VWA5B1: variants seen among roughly 807,000 people sequenced by gnomAD.
The protein encoded by VWA5B1 is von Willebrand factor A domain containing 5B1.
In VWA5B1, 115 loss-of-function variants were observed where a neutral mutation model predicts 118.2. The observed-to-expected ratio is 0.97, with a 90% CI of 0.84 to 1.14. The LOEUF (loss-of-function observed/expected upper bound fraction) is 1.14. VWA5B1 is among the 50% of genes most tolerant of loss of function. The pLI, the probability that VWA5B1 is intolerant of heterozygous loss-of-function variation, is 0.00. For synonymous variants in VWA5B1, 682 were observed against 658.4 expected (o/e 1.04, Z -0.55); for missense variants, 1,596 against 1,603.8 (o/e 1.00, Z 0.08).
chr1:20,307,118 A>G (rs1268040459), intron 1 of VWA5B1, among the ~76,000 whole-genome samples: 2 of 152,136 alleles, frequency 1.3e-5, no homozygotes, highest in East Asian at 1.9e-4. Context: ...GCTGTGTGGC[A>G]CACTGAGGAA....
chr1:20,315,906 T>A (rs912325934), intron 4 of VWA5B1, among the ~76,000 whole-genome samples: 1 of 152,040 alleles, frequency 6.6e-6, no homozygotes, highest in South Asian at 2.1e-4. Context: ...TGACGAGCCT[T>A]GTGCATTTGA....
chr1:20,292,177 C>G (rs573953461), intron 1 of VWA5B1, among the ~76,000 whole-genome samples: 18 of 151,614 alleles, frequency 1.2e-4, no homozygotes, highest in African/African-American at 4.4e-4. Flanking sequence ...TCCTCCCCCC[C>G]TCCTGTCCTC....
At chr1:20,337,976 C>A (rs1280059445) in intron 14 of VWA5B1, 140 bp downstream of exon 14, 4 of 1,061,760 alleles carry the variant, frequency 3.8e-6, no homozygotes, top group East Asian at 2.6e-5. Flanking sequence ...CTTCCCTAGG[C>A]CTTCATCTGC....
intron 1 of VWA5B1, among the ~76,000 whole-genome samples, chr1:20,292,271 TG>T (rs762158296): frequency 1.1e-4 from 17 of 151,912 alleles, no homozygotes; most frequent in Non-Finnish European, 2.5e-4. Context: ...TGGGCTCACC[TG>T]TCTAAACCCA....
rs950019066 is a variant in VWA5B1, at chr1:20,355,201, C to T, written c.*938C>T. On this transcript the variant is annotated 3_prime_UTR_variant, in exon 22 of 22. Transcript: ENST00000289815. ...GGTCGCACCATGGGATCAGGGGGTC[C>T]TCTGGAGCCATGCCACGCTGTGGGA... Among the ~76,000 whole-genome samples, 2 of 152,214 alleles carry T rather than the reference C, an allele frequency of 1.3e-5. No individual in the cohort carries two copies. Among genetic ancestry groups the T allele is most frequent in the African/African-American group, 4.8e-5 (2 of 41,456 alleles).
Position 20,337,818 on chromosome 1 carries a change from G to T in VWA5B1, c.2115G>T (p.Arg705=). 2 of 1,551,818 alleles carry T rather than the reference G, an allele frequency of 1.3e-6. No homozygotes were observed. The highest frequency in any genetic ancestry group is 2.4e-5 in the South Asian group (2 of 84,042). Residue 705 remains arginine (R), a synonymous_variant, in exon 14 of 22, where the codon CGG becomes CGT. Transcript: ENST00000289815. The stretch of plus-strand genomic sequence containing the variant: ...ACCAGACCAGCCTGGATGTCCAGCG[G>T]TGGCAGATTGATTTGCAGGTACCCA... The part of the protein sequence containing the change: ...LTNQTSLDVQ[R]WQIDLQPLLN...
chr1:20,354,684 A>G lies in VWA5B1; in HGVS notation c.*421A>G, dbSNP rs1252712300. ...TGGACACAGCAATGCCCACTCAAAT[A>G]AAAGGGCAGATGAGAGAACCCAGTG... On this transcript the variant is annotated 3_prime_UTR_variant, in exon 22 of 22. Coordinates refer to ENST00000289815, the MANE Select transcript of VWA5B1 (RefSeq NM_001039500.3). 1 of 187,586 alleles carries G rather than the reference A, an allele frequency of 5.3e-6. No homozygotes were observed. The highest frequency in any genetic ancestry group is 2.4e-5 in the African/African-American group (1 of 42,046). 11.6% of individuals were successfully genotyped at this position (187,586 alleles called of 1,614,324 possible). A position where few individuals can be genotyped will look rare whatever the true frequency, so the allele number is the denominator to read the frequency against.
At chr1:20,343,515 C>T (rs2089936112) in intron 16 of VWA5B1, 122 bp downstream of exon 16, 4 of 1,418,508 alleles carry the variant, frequency 2.8e-6, no homozygotes, top group Non-Finnish European at 3.7e-6. Flanking sequence ...GGTCCGCCCA[C>T]CTGCTTCCCG....
At position 20,337,526 on chromosome 1, in the gene VWA5B1, T is replaced by C. The variant is rs1382386660; in HGVS notation, c.1943-120T>C. ...TTGGATGCCAGGGGAGGCATCTGCA[T>C]ATATTTCAGTAGGCAAGAGGTGGAG... On this transcript the variant is annotated intron_variant, in intron 13 of 21. Transcript: ENST00000289815. The C allele has an allele frequency of 1.1e-5, 13 of 1,173,982 alleles. No individual in the cohort carries two copies. In the South Asian group the frequency reaches 2.1e-4, roughly 19 times the overall value. 72.7% of individuals were successfully genotyped at this position (1,173,982 alleles called of 1,614,324 possible). A position where few individuals can be genotyped will look rare whatever the true frequency, so the allele number is the denominator to read the frequency against.
At position 20,352,087 on chromosome 1, in the gene VWA5B1, G is replaced by A. The variant is rs756416738; in HGVS notation, c.3056G>A (p.Arg1019Gln). Residue 1019 changes from arginine (R) to glutamine (Q), a missense_variant, in exon 21 of 22, where the codon CGA becomes CAA. Coordinates refer to ENST00000289815, the MANE Select transcript of VWA5B1 (RefSeq NM_001039500.3). ...LNLNKSRLLT[R>Q]AAKGFLSKPL... is the part of the protein sequence containing the mutation. The stretch of plus-strand genomic sequence containing the variant: ...CTCAACAAGTCCAGGCTACTGACGC[G>A]AGCAGCCAAGGGCTTCCTGAGCAAG... The A allele has an allele frequency of 4.4e-5, 69 of 1,551,124 alleles. 1 individual carries two copies. The highest frequency in any genetic ancestry group is 2.4e-4 in the South Asian group (20 of 84,030).
chr1:20,304,284 G>GCTTC (rs2088581309), intron 1 of VWA5B1, among the ~76,000 whole-genome samples: 1 of 152,200 alleles, frequency 6.6e-6, no homozygotes, highest in African/African-American at 2.4e-5. Context: ...GAAGGAGAAG[G>GCTTC]CTTCCTGGAG....
intron 1 of VWA5B1, among the ~76,000 whole-genome samples, chr1:20,291,853 G>C (rs1033386): frequency 6.6e-6 from 1 of 152,090 alleles, no homozygotes; most frequent in African/African-American, 2.4e-5. Context: ...GCAGTGTGGC[G>C]CCTGCTAACG....
intron 12 of VWA5B1, 72 bp from the exon 13 acceptor site, chr1:20,336,231 C>G: frequency 7.9e-7 from 1 of 1,264,240 alleles, no homozygotes; most frequent in Non-Finnish European, 1.0e-6. Context: ...TGCTCACACC[C>G]CTTGCTCCCT....
intron 1 of VWA5B1, among the ~76,000 whole-genome samples, chr1:20,302,202 C>T (rs114029928): frequency 0.01 from 1,559 of 152,204 alleles, 18 homozygotes; most frequent in African/African-American, 0.027. Flanking sequence ...CATAAAGCAC[C>T]GAGAAGCCTG....
rs4655200 is a variant in VWA5B1 at position 20,345,608 on chromosome 1, C to G, written c.2764+15C>G. 2.0e-6 allele frequency: 3 copies of G among 1,530,872 alleles called. No homozygotes were observed. Among genetic ancestry groups the G allele is most frequent in the Non-Finnish European group, 2.6e-6 (3 of 1,136,624 alleles). 94.8% of individuals were successfully genotyped at this position (1,530,872 alleles called of 1,614,324 possible). ...CCCCAACTCTGGTAAGGCAGGCGAG[C>G]GGCCGGGGGCACTCCTGGGGGCCAA... On this transcript the variant is annotated intron_variant, in intron 17 of 21. Transcript: ENST00000289815.
intron 18 of VWA5B1, among the ~76,000 whole-genome samples, chr1:20,348,749 T>G (rs961468979): frequency 6.6e-6 from 1 of 152,236 alleles, no homozygotes; most frequent in African/African-American, 2.4e-5. Context: ...CAGTCCCATC[T>G]GTTTGGGTCC....
chr1:20,311,740 C>G (rs112415295), intron 2 of VWA5B1, among the ~76,000 whole-genome samples: 8,068 of 152,182 alleles, frequency 0.053, 273 homozygotes, highest in Admixed American at 0.086. Context: ...CTTTGGTGAC[C>G]AAACCTCAGC....
rs1187090893 is a variant in VWA5B1 at position 20,353,923 on chromosome 1, C to T, written c.3308C>T (p.Thr1103Ile). 1 of 1,549,590 alleles carries T rather than the reference C, an allele frequency of 6.5e-7. No individual in the cohort carries two copies. ...ESKTPSPQLC[T>I]SSPPRHPSCD... The stretch of plus-strand genomic sequence containing the variant: ...AAGACCCCGAGTCCCCAGCTGTGCA[C>T]CAGCTCCCCGCCTAGGCACCCGTCC... The change falls in exon 22 of 22, where the codon ACC becomes ATC. Residue 1103 changes from threonine (T) to isoleucine (I), a missense_variant. Transcript: ENST00000289815.
Position 20,314,509 on chromosome 1 carries a change from G to T in VWA5B1, c.480G>T (p.Arg160Ser), listed in dbSNP as rs61743876. ...CAACGCTGCCCAGCGGGGCTGTGAG[G>T]GTCCTTCTGCCTGCTGTCTGTGCCC... ...ELPTLPSGAV[R>S]VLLPAVCAPT... is the part of the protein sequence containing the mutation. The change falls in exon 4 of 22, where the codon AGG becomes AGT. Residue 160 changes from arginine to serine, a missense_variant. By Grantham distance (110) the Arg-to-Ser change is moderately radical. Transcript: ENST00000289815. The T allele has an allele frequency of 1.2e-3, 1,838 of 1,551,734 alleles. 3 individuals carry two copies. The highest frequency in any genetic ancestry group is 1.5e-3 in the Non-Finnish European group (1,712 of 1,147,002).
Sources: gnomAD v4.1 joint callset for allele counts (sites outside exome capture counted in the v4.1 genomes callset) on GRCh38, gnomAD v4.1.1 for gene constraint, MANE v1.5 for transcripts, NCBI Gene and HGNC (gene_info 2026-07-23, HGNC 2026-07-21) for gene names.